MED12L: variants seen among roughly 807,000 people sequenced by gnomAD.
MED12L encodes mediator complex subunit 12L, also known as mediator of RNA polymerase II transcription subunit 12-like protein.
MED12L carries 60 observed loss-of-function variants against 281.3 expected under a neutral mutation model. The observed-to-expected ratio is 0.21, with a 90% CI of 0.17 to 0.26. MED12L has a LOEUF of 0.26. MED12L is among the 10% of genes least tolerant of loss of function. The probability of loss-of-function intolerance (pLI) is 1.00; values close to 1 mark genes in which losing one functional copy is unlikely to be tolerated. For synonymous variants in MED12L, 974 were observed against 987.2 expected (o/e 0.99, Z 0.25); for missense variants, 2,146 against 2,680.9 (o/e 0.80, Z 4.41).
chr3:151,110,055 G>A (rs1034383697), intron 2 of MED12L, among the ~76,000 whole-genome samples: 5 of 152,156 alleles, frequency 3.3e-5, no homozygotes, highest in African/African-American at 4.8e-5. Flanking sequence ...AAGGAAAGGC[G>A]TCGTAAGAAT....
intron 13 of MED12L, among the ~76,000 whole-genome samples, chr3:151,189,162 G>A (rs1179942899): frequency 6.6e-6 from 1 of 152,188 alleles, no homozygotes; most frequent in African/African-American, 2.4e-5. Context: ...GGAGAAAAAG[G>A]TTGGGGAGGA....
intron 2 of MED12L, 106 bp from the exon 3 acceptor site, chr3:151,116,232 T>A (rs187310008): frequency 2.2e-5 from 15 of 692,692 alleles, no homozygotes. Context: ...TCAAGAGTTC[T>A]CCTCTACAGA....
intron 38 of MED12L, among the ~76,000 whole-genome samples, chr3:151,392,569 A>G (rs989794498): frequency 1.3e-5 from 2 of 152,074 alleles, no homozygotes; most frequent in African/African-American, 4.8e-5. Flanking sequence ...TCATTTAAAC[A>G]AGCACAATCT....
intron 35 of MED12L, 66 bp downstream of exon 35, chr3:151,384,284 T>A: frequency 7.0e-7 from 1 of 1,425,466 alleles, no homozygotes; most frequent in Non-Finnish European, 9.5e-7. Context: ...TAGTGCATTT[T>A]AATTTATTAC....
At chr3:151,146,809 A>C (rs1407064285) in intron 5 of MED12L, among the ~76,000 whole-genome samples, 1 of 150,914 alleles carries the variant, frequency 6.6e-6, no homozygotes, top group Non-Finnish European at 1.5e-5. Flanking sequence ...GCCCATCCCC[A>C]CCCCTCCTCC....
intron 2 of MED12L, among the ~76,000 whole-genome samples, chr3:151,115,371 T>C (rs1257555177): frequency 2.8e-5 from 3 of 108,922 alleles, no homozygotes; most frequent in African/African-American, 1.1e-4. Flanking sequence ...TTTTTTGAGA[T>C]GGAGTCTCAC....
At chr3:151,190,582 A>G (rs1413395610) in intron 13 of MED12L, 135 bp from the exon 14 acceptor site, 1 of 785,036 alleles carries the variant, frequency 1.3e-6, no homozygotes, top group Non-Finnish European at 2.0e-6. Flanking sequence ...CTAGTGCCTC[A>G]GTAAATCTTC....
intron 16 of MED12L, among the ~76,000 whole-genome samples, chr3:151,196,396 A>T (rs556106422): frequency 4.6e-5 from 7 of 152,296 alleles, no homozygotes; most frequent in African/African-American, 1.7e-4. Context: ...AGAAAATCTG[A>T]CTAGCTTCTC....
intron 16 of MED12L, among the ~76,000 whole-genome samples, chr3:151,348,836 C>A (rs190394054): frequency 1.0e-3 from 157 of 152,254 alleles, no homozygotes; most frequent in Non-Finnish European, 1.4e-3. Flanking sequence ...CTACTTTGTG[C>A]AGAGTACACA....
intron 27 of MED12L, among the ~76,000 whole-genome samples, chr3:151,375,283 T>TA (rs1756689965): frequency 2.0e-5 from 3 of 152,318 alleles, no homozygotes; most frequent in African/African-American, 7.2e-5. Flanking sequence ...GTATGGTGGT[T>TA]AAAAAACAGA....
intron 5 of MED12L, among the ~76,000 whole-genome samples, chr3:151,130,186 C>T (rs560047984): frequency 7.9e-5 from 12 of 152,250 alleles, no homozygotes; most frequent in Non-Finnish European, 1.5e-4. Flanking sequence ...TAATGTATAT[C>T]AAATCAAGGT....
chr3:151,106,277 CTTTCCT>C (rs137875214), intron 2 of MED12L, among the ~76,000 whole-genome samples: 4,635 of 80,306 alleles, frequency 0.058, 157 homozygotes, highest in African/African-American at 0.09. Context: ...TTCCCTTTCC[CTTTCCT>C]TTTCCTTTTC....
chr3:151,116,669 C>T (rs1712865361), intron 3 of MED12L, among the ~76,000 whole-genome samples: 2 of 152,214 alleles, frequency 1.3e-5, no homozygotes, highest in Non-Finnish European at 2.9e-5. Context: ...CCTCTCCCTC[C>T]TCCCCATTCC....
At position 151,369,522 on chromosome 3, in the gene MED12L, G is replaced by C; in HGVS notation, c.3637G>C (p.Ala1213Pro). The C allele has an allele frequency of 6.2e-7, 1 of 1,611,028 alleles. No homozygotes were observed. Among genetic ancestry groups the C allele is most frequent in the Non-Finnish European group, 8.5e-7 (1 of 1,177,932 alleles). The change falls in exon 26 of 45, where the codon GCT (alanine) becomes CCT (proline). Residue 1213 changes from alanine (A) to proline (P), a missense_variant. Around this residue, in one of 9 missense-constraint regions of MED12L, gnomAD observed 404 missense variants for 603.5 expected, o/e 0.67. Transcript: ENST00000687756. ...HNSIEVGAVF[A>P]VLKAIMMLGD... ...CAGCATTGAAGTGGGAGCCGTGTTT[G>C]CTGTCTTAAAAGCAATTATGATGCT... is the stretch of plus-strand genomic sequence containing the variant.
chr3:151,347,760 G>A (rs1234060261), intron 16 of MED12L, among the ~76,000 whole-genome samples: 1 of 152,160 alleles, frequency 6.6e-6, no homozygotes, highest in East Asian at 1.9e-4. Flanking sequence ...ATACTTCGAA[G>A]CATTTTACAC....
intron 2 of MED12L, among the ~76,000 whole-genome samples, chr3:151,101,223 A>G (rs1721352316): frequency 6.6e-6 from 1 of 152,346 alleles, no homozygotes; most frequent in South Asian, 2.1e-4. Context: ...ATTTATTTGA[A>G]AATTGAAGAA....
chr3:151,168,789 T>C (rs1021837249), intron 11 of MED12L, among the ~76,000 whole-genome samples: 2 of 152,162 alleles, frequency 1.3e-5, no homozygotes, highest in African/African-American at 4.8e-5. Context: ...CCCTGCAACC[T>C]CTGCCTCTCA....
intron 16 of MED12L, among the ~76,000 whole-genome samples, chr3:151,280,269 A>G (rs1742601816): frequency 6.6e-6 from 1 of 152,210 alleles, no homozygotes; most frequent in Admixed American, 6.5e-5. Context: ...TGCCAGAGTC[A>G]TGGGCCTCAT....
At chr3:151,397,184 C>T (rs1459107066) in intron 39 of MED12L, among the ~76,000 whole-genome samples, 1 of 152,142 alleles carries the variant, frequency 6.6e-6, no homozygotes, top group South Asian at 2.1e-4. Context: ...AGTAAAAGCT[C>T]CACTTCATAA....
Sources: allele counts gnomAD v4.1 joint callset (sites outside exome capture counted in the v4.1 genomes callset), GRCh38; gene constraint gnomAD v4.1.1; regional missense constraint gnomAD v4.1.1; transcripts MANE v1.5; gene names NCBI Gene and HGNC (gene_info 2026-07-23, HGNC 2026-07-21).